TMEM132D: variants seen among roughly 807,000 people sequenced by gnomAD.
TMEM132D encodes the protein mature OL transmembrane protein.
Under a neutral mutation model 62.3 loss-of-function variants are expected in TMEM132D, and 21 were observed. That is an observed-to-expected ratio of 0.34 (90% confidence interval 0.24 to 0.49). The LOEUF is 0.49. Among genes scored for constraint, TMEM132D ranks in the 20% least tolerant of loss-of-function variants. The probability of loss-of-function intolerance (pLI) is 0.99; values close to 1 mark genes in which losing one functional copy is unlikely to be tolerated. For synonymous variants in TMEM132D, 621 were observed against 575.6 expected (o/e 1.08, Z -1.13); for missense variants, 1,346 against 1,402.8 (o/e 0.96, Z 0.65).
chr12:129,238,621 C>A (rs1370073689), intron 4 of TMEM132D, among the ~76,000 whole-genome samples: 4 of 152,186 alleles, frequency 2.6e-5, no homozygotes. Flanking sequence ...AGAAAAATGT[C>A]CTCAAGCTTC....
At chr12:129,580,376 C>T (rs1394168939) in intron 2 of TMEM132D, among the ~76,000 whole-genome samples, 4 of 152,178 alleles carry the variant, frequency 2.6e-5, no homozygotes, top group East Asian at 1.9e-4. Flanking sequence ...TGAAATAGTG[C>T]CCAAAGGTGT....
chr12:129,644,254 C>T (rs1329853769), intron 2 of TMEM132D, among the ~76,000 whole-genome samples: 1 of 152,180 alleles, frequency 6.6e-6, no homozygotes, highest in Non-Finnish European at 1.5e-5. Flanking sequence ...CGGGCATGCA[C>T]CCTCAACCTT....
At chr12:129,870,890 C>T (rs188878948) in intron 1 of TMEM132D, among the ~76,000 whole-genome samples, 100 of 152,138 alleles carry the variant, frequency 6.6e-4, no homozygotes, top group African/African-American at 2.3e-3. Flanking sequence ...CATTAACCCA[C>T]GGGGTCTGCA....
intron 5 of TMEM132D, among the ~76,000 whole-genome samples, chr12:129,158,505 T>C (rs1474784315): frequency 6.6e-6 from 1 of 152,252 alleles, no homozygotes; most frequent in Admixed American, 6.5e-5. Flanking sequence ...TGGAATTTCT[T>C]ATTAGGTAAT....
intron 2 of TMEM132D, among the ~76,000 whole-genome samples, chr12:129,686,557 C>CATGAGAACACACTAATACAAAG (rs1320502030): frequency 3.3e-5 from 5 of 152,136 alleles, no homozygotes; most frequent in Non-Finnish European, 2.9e-5. Context: ...TTTATAGCAG[C>CATGAGAACACACTAATACAAAG]ATGAGAACAC....
At chr12:129,901,868 C>T (rs1249945032) in intron 1 of TMEM132D, among the ~76,000 whole-genome samples, 2 of 141,174 alleles carry the variant, frequency 1.4e-5, no homozygotes, top group African/African-American at 5.7e-5. Flanking sequence ...CCAACCCCCC[C>T]CGCCCCAAAA....
chr12:129,368,925 CCT>C (rs1870510588), intron 3 of TMEM132D, among the ~76,000 whole-genome samples: 1 of 152,110 alleles, frequency 6.6e-6, no homozygotes, highest in African/African-American at 2.4e-5. Flanking sequence ...TCTTATCCTC[CCT>C]GTTTCCTCGT....
intron 5 of TMEM132D, among the ~76,000 whole-genome samples, chr12:129,093,579 G>T (rs1366967506): frequency 1.3e-5 from 2 of 152,172 alleles, no homozygotes; most frequent in Non-Finnish European, 2.9e-5. Flanking sequence ...TGGGTAGGAA[G>T]AATCAATATC....
intron 3 of TMEM132D, among the ~76,000 whole-genome samples, chr12:129,351,931 G>C (rs1476488046): frequency 1.3e-5 from 2 of 152,160 alleles, no homozygotes; most frequent in African/African-American, 4.8e-5. Context: ...AGTTAGGCAG[G>C]AATATCATCA....
At chr12:129,836,878 A>G (rs1467999494) in intron 1 of TMEM132D, among the ~76,000 whole-genome samples, 5 of 152,238 alleles carry the variant, frequency 3.3e-5, no homozygotes, top group Admixed American at 6.5e-5. Flanking sequence ...GCTTGTTAAA[A>G]AACACATTGT....
At chr12:129,845,929 A>G (rs1218815538) in intron 1 of TMEM132D, among the ~76,000 whole-genome samples, 1 of 152,206 alleles carries the variant, frequency 6.6e-6, no homozygotes, top group Non-Finnish European at 1.5e-5. Context: ...TTACATGCAA[A>G]TTAAGGGGCA....
At chr12:129,120,959 C>G (rs963471565) in intron 5 of TMEM132D, among the ~76,000 whole-genome samples, 1 of 152,050 alleles carries the variant, frequency 6.6e-6, no homozygotes, top group African/African-American at 2.4e-5. Context: ...GGCAGAATAA[C>G]GGCTCCCCAA....
At chr12:129,263,998 G>T (rs183018902) in intron 4 of TMEM132D, among the ~76,000 whole-genome samples, 1 of 152,260 alleles carries the variant, frequency 6.6e-6, no homozygotes, top group African/African-American at 2.4e-5. Context: ...CCAAGGTAAG[G>T]TCATCAGGCT....
intron 2 of TMEM132D, among the ~76,000 whole-genome samples, chr12:129,609,874 T>TG (rs768684658): frequency 2.0e-5 from 3 of 152,164 alleles, no homozygotes; most frequent in Admixed American, 2.0e-4. Context: ...CACTCCCCAC[T>TG]GGGGGTTTAT....
chr12:129,405,760 A>G (rs540614632), intron 3 of TMEM132D, among the ~76,000 whole-genome samples: 1 of 152,320 alleles, frequency 6.6e-6, no homozygotes, highest in South Asian at 2.1e-4. Flanking sequence ...GGATTTCATA[A>G]GGAAGACTAG....
At chr12:129,853,379 C>G (rs928607683) in intron 1 of TMEM132D, 3 of 152,262 alleles carry the variant, frequency 2.0e-5, no homozygotes, top group Non-Finnish European at 4.4e-5. Flanking sequence ...TTTGAAAACA[C>G]AGGAAGGACA....
chr12:129,083,051 A>G (rs1332012966), intron 6 of TMEM132D, among the ~76,000 whole-genome samples: 1 of 152,212 alleles, frequency 6.6e-6, no homozygotes, highest in Admixed American at 6.5e-5. Flanking sequence ...AAACCACATT[A>G]ACTTTGGGGA....
intron 5 of TMEM132D, among the ~76,000 whole-genome samples, chr12:129,094,606 T>C (rs998554280): frequency 3.9e-5 from 6 of 152,312 alleles, no homozygotes; most frequent in Admixed American, 3.3e-4. Flanking sequence ...AGTTCAACCA[T>C]TGTGGAAGTC....
chr12:129,649,301 C>T (rs1879863512), intron 2 of TMEM132D, among the ~76,000 whole-genome samples: 1 of 152,100 alleles, frequency 6.6e-6, no homozygotes, highest in South Asian at 2.1e-4. Context: ...TCCTTGGTAC[C>T]CATCTCCAGC....
Sources: allele counts gnomAD v4.1 joint callset (sites outside exome capture counted in the v4.1 genomes callset), GRCh38; gene constraint gnomAD v4.1.1; transcripts MANE v1.5; gene names NCBI Gene and HGNC (gene_info 2026-07-23, HGNC 2026-07-21).